LMTK2: variants seen among roughly 807,000 people sequenced by gnomAD.
The protein encoded by LMTK2 is lemur tail kinase 2.
In LMTK2, 37 loss-of-function variants were observed where a neutral mutation model predicts 127.5. The ratio of observed to expected loss-of-function variants is 0.29; its 90% CI spans 0.22 to 0.38. LMTK2 has a LOEUF of 0.38. Ranked by LOEUF, LMTK2 falls within the 10% of genes least tolerant of loss-of-function variation. The pLI is 1.00. For synonymous variants in LMTK2, 819 were observed against 810.1 expected (o/e 1.01, Z -0.19); for missense variants, 1,694 against 1,920.3 (o/e 0.88, Z 2.20).
At chr7:98,183,496 T>C (rs1249486547) in intron 7 of LMTK2, among the ~76,000 whole-genome samples, 3 of 152,200 alleles carry the variant, frequency 2.0e-5, no homozygotes, top group Admixed American at 6.5e-5. Flanking sequence ...CACATGATTC[T>C]CGTGCCTCAG....
chr7:98,135,586 T>A (rs1796585009), intron 1 of LMTK2, among the ~76,000 whole-genome samples: 2 of 152,116 alleles, frequency 1.3e-5, no homozygotes, highest in Admixed American at 1.3e-4. Flanking sequence ...CCTCCCAAAG[T>A]GCTGGGATTA....
At chr7:98,145,404 C>T (rs1002157345) in intron 3 of LMTK2, among the ~76,000 whole-genome samples, 8 of 151,734 alleles carry the variant, frequency 5.3e-5, no homozygotes, top group Non-Finnish European at 1.0e-4. Flanking sequence ...AGAGTTAGAA[C>T]TTTTTGTGGT....
chr7:98,157,038 A>G (rs1796935353), intron 5 of LMTK2, among the ~76,000 whole-genome samples: 1 of 152,160 alleles, frequency 6.6e-6, no homozygotes, highest in Non-Finnish European at 1.5e-5. Context: ...GCTTGAGCCC[A>G]GGAGTTCAAG....
At position 98,203,979 on chromosome 7, in the gene LMTK2, G is replaced by A; in HGVS notation, c.4276G>A (p.Asp1426Asn). The change falls in exon 13 of 14, where the codon GAT becomes AAT. Residue 1426 changes from aspartate (D) to asparagine (N), a missense_variant. Coordinates refer to ENST00000297293, the MANE Select transcript of LMTK2 (RefSeq NM_014916.4). ...GFEWDDDFSP[D>N]PFMSKTTSNL... Reference sequence around the variant, plus strand: ...TGAGTGGGATGATGACTTCTCCCCAGATCCTTTTATGTCAAAGACAACAAG... The same window carrying A: ...TGAGTGGGATGATGACTTCTCCCCAAATCCTTTTATGTCAAAGACAACAAG... 1.2e-6 allele frequency: 2 copies of A among 1,614,126 alleles called. No homozygotes were observed. Among genetic ancestry groups the A allele is most frequent in the Admixed American group, 1.7e-5 (1 of 60,032 alleles).
At chr7:98,146,578 C>T (rs1796776072) in intron 3 of LMTK2, among the ~76,000 whole-genome samples, 1 of 151,968 alleles carries the variant, frequency 6.6e-6, no homozygotes, top group Non-Finnish European at 1.5e-5. Context: ...TTACAATTAA[C>T]ATCCCAAATT....
rs1278644180 is a variant in LMTK2, at chr7:98,193,186, C to T, written c.2721C>T (p.Ile907=). 6.2e-7 allele frequency: 1 copy of T among 1,613,568 alleles called. No homozygotes were observed. Among genetic ancestry groups the T allele is most frequent in the Non-Finnish European group, 8.5e-7 (1 of 1,180,006 alleles). ...GTGACTCTGTTCTTGCTGATGACATCCTTGCCAGCAGGGTGAGTGTAGGGA... is the reference window on the plus strand; with the variant it reads ...GTGACTCTGTTCTTGCTGATGACATTCTTGCCAGCAGGGTGAGTGTAGGGA... ...TESDSVLADD[I]LASRVSVGSS... Residue 907 remains isoleucine, a synonymous_variant, in exon 11 of 14, where the codon ATC becomes ATT. Transcript: ENST00000297293. This position sits in a 1 kb window ranked among gnomAD's most constrained non-coding sequence, Gnocchi z 4.1.
intron 3 of LMTK2, among the ~76,000 whole-genome samples, chr7:98,148,031 C>CA (rs1372725664): frequency 6.6e-6 from 1 of 151,512 alleles, no homozygotes; most frequent in East Asian, 1.9e-4. Flanking sequence ...CCCATCTCTA[C>CA]AAAAAAATAC....
At chr7:98,165,036 G>A (rs1177283259) in intron 6 of LMTK2, among the ~76,000 whole-genome samples, 2 of 152,348 alleles carry the variant, frequency 1.3e-5, no homozygotes, top group East Asian at 3.9e-4. Context: ...CAGTGGAGAA[G>A]GGGAGGGCAT....
chr7:98,110,066 C>T (rs1796179281), intron 1 of LMTK2, among the ~76,000 whole-genome samples: 1 of 152,136 alleles, frequency 6.6e-6, no homozygotes, highest in African/African-American at 2.4e-5. Flanking sequence ...TAAGGATAGA[C>T]CCATTTCATA....
intron 6 of LMTK2, among the ~76,000 whole-genome samples, chr7:98,162,577 G>A (rs1299034655): frequency 1.3e-5 from 2 of 152,282 alleles, no homozygotes; most frequent in East Asian, 3.9e-4. Flanking sequence ...ACTCGGGGAC[G>A]GTCACTCCTG....
chr7:98,184,382 C>G (rs1013014428), intron 7 of LMTK2, among the ~76,000 whole-genome samples: 2 of 152,000 alleles, frequency 1.3e-5, no homozygotes, highest in African/African-American at 4.8e-5. Flanking sequence ...TTTAGAGAGA[C>G]AGTTTAACAA....
intron 6 of LMTK2, among the ~76,000 whole-genome samples, chr7:98,160,145 ATTGGATG>A (rs1432020241): frequency 6.6e-6 from 1 of 152,206 alleles, no homozygotes; most frequent in Non-Finnish European, 1.5e-5. Flanking sequence ...TGAGCTGTTA[ATTGGATG>A]AGTCAGGTTT....
rs1797798334 is a variant in LMTK2 at position 98,206,452 on chromosome 7, G to A, written c.*960G>A. On this transcript the variant is annotated 3_prime_UTR_variant, in exon 14 of 14. Transcript: ENST00000297293. ...GTGGCCGCAGACCTCAGATGGACCC[G>A]GCCCATCCCTGGGGACGTGCTGGCG... 1 of 152,190 alleles carries A rather than the reference G, an allele frequency of 6.6e-6. No individual in the cohort carries two copies. Among genetic ancestry groups the A allele is most frequent in the South Asian group, 2.1e-4 (1 of 4,838 alleles). The allele number at this position is 152,190 out of a possible 1,614,324, so 9.4% of individuals were successfully genotyped here. A position where few individuals can be genotyped will look rare whatever the true frequency, so the allele number is the denominator to read the frequency against.
At position 98,186,781 on chromosome 7, in the gene LMTK2, G is replaced by C. The variant is rs1797442450; in HGVS notation, c.877-96G>C. On this transcript the variant is annotated intron_variant, in intron 8 of 13. Coordinates refer to ENST00000297293, the MANE Select transcript of LMTK2 (RefSeq NM_014916.4). The stretch of plus-strand genomic sequence containing the variant: ...TTTTTTCTGACCTGGTTTTTGGATT[G>C]GGTATATGTTTTCTGAGAATACCAT... 1.6e-5 allele frequency: 18 copies of C among 1,099,516 alleles called. No individual in the cohort carries two copies. In the South Asian group the frequency reaches 2.5e-4, roughly 15 times the overall value. 68.1% of individuals were successfully genotyped at this position (1,099,516 alleles called of 1,614,324 possible).
chr7:98,179,604 T>TCCCTCTCTCCCC (rs1797324566), intron 7 of LMTK2, among the ~76,000 whole-genome samples: 1 of 125,126 alleles, frequency 8.0e-6, no homozygotes, highest in Admixed American at 8.2e-5. Flanking sequence ...CCTCTCTCCC[T>TCCCTCTCTCCCC]CCCTCCCTTT....
At chr7:98,152,570 A>G (rs1439684766) in intron 4 of LMTK2, among the ~76,000 whole-genome samples, 1 of 152,152 alleles carries the variant, frequency 6.6e-6, no homozygotes, top group Non-Finnish European at 1.5e-5. Flanking sequence ...GAGAGATCAA[A>G]CAAAACCCTG....
chr7:98,106,889 C>T lies in LMTK2; in HGVS notation c.-289C>T, dbSNP rs1796112573. The T allele has an allele frequency of 6.7e-6, 3 of 445,040 alleles. No homozygotes were observed. The highest frequency in any genetic ancestry group is 1.2e-5 in the Non-Finnish European group (3 of 251,746). The allele number at this position is 445,040 out of a possible 1,614,324, so 27.6% of individuals were successfully genotyped here. On this transcript the variant is annotated 5_prime_UTR_variant, in exon 1 of 14. Coordinates refer to ENST00000297293, the MANE Select transcript of LMTK2 (RefSeq NM_014916.4). ...CACATGACGCAGCCCATCATGGCGG[C>T]GGGAGCGCGGCTTCCCAGGCCCGCC...
chr7:98,130,275 G>T (rs1796503467), intron 1 of LMTK2, among the ~76,000 whole-genome samples: 1 of 152,130 alleles, frequency 6.6e-6, no homozygotes, highest in Admixed American at 6.5e-5. Context: ...TTAGGTTAAA[G>T]ATGGCGAGAA....
intron 1 of LMTK2, among the ~76,000 whole-genome samples, chr7:98,123,786 T>A (rs1796403211): frequency 6.6e-6 from 1 of 152,208 alleles, no homozygotes; most frequent in South Asian, 2.1e-4. Flanking sequence ...CTCTTCCTTC[T>A]CTTTGTTCTT....
Sources: allele counts gnomAD v4.1 joint callset (sites outside exome capture counted in the v4.1 genomes callset), GRCh38; gene constraint gnomAD v4.1.1; non-coding constraint Gnocchi (gnomAD v3.1); transcripts MANE v1.5; gene names NCBI Gene and HGNC (gene_info 2026-07-23, HGNC 2026-07-21).